Variants in PTK7 observed in about 807,000 individuals in gnomAD.
The protein encoded by PTK7 is protein tyrosine kinase 7 (inactive).
PTK7 carries 39 observed loss-of-function variants against 116.6 expected under a neutral mutation model. The ratio of observed to expected loss-of-function variants is 0.33; its 90% CI spans 0.26 to 0.44. The LOEUF (loss-of-function observed/expected upper bound fraction) is 0.44. Ranked by LOEUF, PTK7 falls within the 20% of genes least tolerant of loss-of-function variation. PTK7 has a pLI of 1.00. For missense variants in PTK7, 1,169 were observed against 1,425.6 expected (o/e 0.82, Z 2.90); for synonymous variants, 546 against 563.6 (o/e 0.97, Z 0.44).
chr6:43,136,809 T>TG (rs1433636768), intron 7 of PTK7, among the ~76,000 whole-genome samples: 6 of 152,054 alleles, frequency 3.9e-5, no homozygotes, highest in Non-Finnish European at 7.4e-5. Flanking sequence ...GAGACCAGCC[T>TG]GGACCACATG....
Position 43,158,896 on chromosome 6 carries a change from G to C in PTK7, c.2801G>C (p.Arg934Pro). The C allele has an allele frequency of 6.2e-7, 1 of 1,614,220 alleles. No homozygotes were observed. Among genetic ancestry groups the C allele is most frequent in the Non-Finnish European group, 8.5e-7 (1 of 1,180,038 alleles). ...TTTGTGCATAAGGACTTGGCTGCGC[G>C]TAACTGCCTGGTCAGTGCCCAGAGA... is the stretch of plus-strand genomic sequence containing the variant. Reference protein sequence around the residue: ...NRFVHKDLAARNCLVSAQRQV... With the variant: ...NRFVHKDLAAPNCLVSAQRQV... The change falls in exon 18 of 20, where the codon CGT becomes CCT. Residue 934 changes from arginine to proline, a missense_variant. This residue lies in a region of PTK7 where 678 missense variants were observed against 853.8 expected (regional missense o/e 0.79). Coordinates refer to ENST00000230419, the MANE Select transcript of PTK7 (RefSeq NM_002821.5).
rs1337825863 is a variant in PTK7 at position 43,076,608 on chromosome 6, C to T, written c.79+41C>T. Reference sequence around the variant, plus strand: ...TTGGGGGCACAGAGCTTGGGAAGCGCGGGAGTCCCGTGGGCAAAAGGCTGC... The same window carrying T: ...TTGGGGGCACAGAGCTTGGGAAGCGTGGGAGTCCCGTGGGCAAAAGGCTGC... On this transcript the variant is annotated intron_variant, in intron 1 of 19. Transcript: ENST00000230419. This position sits in a 1 kb window ranked among gnomAD's most constrained non-coding sequence, Gnocchi z 5.7. 6.5e-7 allele frequency: 1 copy of T among 1,546,360 alleles called. No individual in the cohort carries two copies. Among genetic ancestry groups the T allele is most frequent in the Non-Finnish European group, 8.7e-7 (1 of 1,150,118 alleles).
At chr6:43,087,501 C>G (rs1766725469) in intron 1 of PTK7, among the ~76,000 whole-genome samples, 1 of 152,176 alleles carries the variant, frequency 6.6e-6, no homozygotes, top group African/African-American at 2.4e-5. Context: ...GTCCCAAAGG[C>G]AGGTCTTGGG....
intron 1 of PTK7, among the ~76,000 whole-genome samples, chr6:43,081,705 G>T (rs539683436): frequency 3.7e-3 from 570 of 152,054 alleles, no homozygotes; most frequent in Non-Finnish European, 5.8e-3. Context: ...GCACCCAGCC[G>T]ATATAACAGG....
intron 1 of PTK7, among the ~76,000 whole-genome samples, chr6:43,108,094 CT>C (rs1327874500): frequency 0.018 from 2,405 of 137,380 alleles, 38 homozygotes; most frequent in African/African-American, 0.054. Flanking sequence ...GCTGCTTTAA[CT>C]TTTTTTTTTT....
At chr6:43,095,030 C>T (rs1161418360) in intron 1 of PTK7, among the ~76,000 whole-genome samples, 3 of 143,036 alleles carry the variant, frequency 2.1e-5, no homozygotes, top group South Asian at 2.3e-4. Flanking sequence ...GGCTACAGAG[C>T]GAGACTCTGT....
At chr6:43,097,475 C>T (rs994267110) in intron 1 of PTK7, among the ~76,000 whole-genome samples, 4 of 152,112 alleles carry the variant, frequency 2.6e-5, no homozygotes, top group Admixed American at 6.5e-5. Context: ...ATTACATAGA[C>T]GATTTTGTAT....
chr6:43,126,571 C>T (rs1486175229), intron 1 of PTK7, among the ~76,000 whole-genome samples: 1 of 152,218 alleles, frequency 6.6e-6, no homozygotes, highest in Non-Finnish European at 1.5e-5. Flanking sequence ...TGTGACTCCT[C>T]ATTGTAGGAT....
chr6:43,086,857 AAAC>A (rs972342619), intron 1 of PTK7, among the ~76,000 whole-genome samples: 22 of 152,252 alleles, frequency 1.4e-4, no homozygotes, highest in Non-Finnish European at 2.1e-4. Context: ...AAAAACAAAA[AAAC>A]AACAACAAAA....
At chr6:43,150,528 ATTGTTTAAC>A (rs1771001602) in intron 17 of PTK7, among the ~76,000 whole-genome samples, 2 of 152,092 alleles carry the variant, frequency 1.3e-5, no homozygotes, top group African/African-American at 4.8e-5. Flanking sequence ...CTAGCAGCAG[ATTGTTTAAC>A]TTGTGAGCCA....
At chr6:43,136,250 G>A (rs540299476) in intron 7 of PTK7, among the ~76,000 whole-genome samples, 24 of 149,362 alleles carry the variant, frequency 1.6e-4, no homozygotes, top group Middle Eastern at 3.6e-3. Flanking sequence ...CAGGAGAATC[G>A]CTTGAACCTG....
At chr6:43,135,195 G>A (rs1242351847) in intron 7 of PTK7, among the ~76,000 whole-genome samples, 2 of 152,212 alleles carry the variant, frequency 1.3e-5, no homozygotes, top group African/African-American at 4.8e-5. Context: ...TGTGCTCTGA[G>A]AAGGAGGCCT....
Position 43,130,560 on chromosome 6 carries a change from G to A in PTK7, c.711G>A (p.Ala237=), listed in dbSNP as rs140093109. Reference sequence around the variant, plus strand: ...TGGCACCCCAGGACGTGGTAGTAGCGAGGTATGAGGAGGCCATGTTCCATT... The same window carrying A: ...TGGCACCCCAGGACGTGGTAGTAGCAAGGTATGAGGAGGCCATGTTCCATT... The part of the protein sequence containing the change: ...VVLAPQDVVV[A]RYEEAMFHCQ... The change falls in exon 5 of 20, where the codon GCG becomes GCA. Residue 237 remains alanine, a synonymous_variant. Coordinates refer to ENST00000230419, the MANE Select transcript of PTK7 (RefSeq NM_002821.5). 1.1e-5 allele frequency: 17 copies of A among 1,614,018 alleles called. No homozygotes were observed. The highest frequency in any genetic ancestry group is 6.7e-5 in the East Asian group (3 of 44,898).
At position 43,159,933 on chromosome 6, in the gene PTK7, C is replaced by T. The variant is rs934981730; in HGVS notation, c.3019C>T (p.His1007Tyr). The T allele has an allele frequency of 3.7e-6, 6 of 1,613,892 alleles. No individual in the cohort carries two copies. Among genetic ancestry groups the T allele is most frequent in the South Asian group, 2.2e-5 (2 of 91,068 alleles). Reference protein sequence around the residue: ...WEVFTHGEMPHGGQADDEVLA... With the variant: ...WEVFTHGEMPYGGQADDEVLA... ...AGTGTTTACACATGGAGAGATGCCCCATGGTGGGCAGGCAGATGATGAAGT... is the reference window on the plus strand; with the variant it reads ...AGTGTTTACACATGGAGAGATGCCCTATGGTGGGCAGGCAGATGATGAAGT... Residue 1007 changes from histidine (H) to tyrosine (Y), a missense_variant, in exon 19 of 20, where the codon CAT (histidine) becomes TAT (tyrosine). Physicochemically the swap from His to Tyr is moderately conservative, Grantham distance 83. Transcript: ENST00000230419.
intron 1 of PTK7, among the ~76,000 whole-genome samples, chr6:43,118,056 GCAGT>G (rs910971715): frequency 6.6e-6 from 1 of 151,334 alleles, no homozygotes; most frequent in Admixed American, 6.6e-5. Context: ...CAAGAAGTGG[GCAGT>G]CAGAGGAACT....
chr6:43,138,055 C>T (rs1014020475), intron 7 of PTK7, among the ~76,000 whole-genome samples: 11 of 152,298 alleles, frequency 7.2e-5, no homozygotes, highest in Admixed American at 3.9e-4. Flanking sequence ...ATGATCTGCC[C>T]GCCTTTGCCT....
intron 1 of PTK7, among the ~76,000 whole-genome samples, chr6:43,091,359 G>C (rs1050909478): frequency 6.6e-6 from 1 of 151,984 alleles, no homozygotes; most frequent in South Asian, 2.1e-4. Context: ...TAGAAATGGG[G>C]TTTCACCATG....
intron 1 of PTK7, among the ~76,000 whole-genome samples, chr6:43,123,824 G>A (rs1178663884): frequency 2.0e-5 from 3 of 152,162 alleles, no homozygotes; most frequent in South Asian, 2.1e-4. Flanking sequence ...GGCTCATACC[G>A]GGGAAGCAGC....
rs549653659 is a variant in PTK7, at chr6:43,097,126, C to G, written c.79+20559C>G. Among the ~76,000 whole-genome samples, 39 of 152,356 alleles carry G rather than the reference C, an allele frequency of 2.6e-4. No homozygotes were observed. The South Asian group carries it at 6.2e-3, about 24-fold the overall frequency. ...ACACTTACAATTCATTATTTAGCCT[C>G]CTCCTGCGCGGTTGCTTGCATTTCT... On this transcript the variant is annotated intron_variant, in intron 1 of 19. Transcript: ENST00000230419.
Sources: gnomAD v4.1 joint callset for allele counts (sites outside exome capture counted in the v4.1 genomes callset) on GRCh38, gnomAD v4.1.1 for gene constraint, gnomAD v4.1.1 regional missense constraint, Gnocchi (gnomAD v3.1) non-coding constraint, MANE v1.5 for transcripts, NCBI Gene and HGNC (gene_info 2026-07-23, HGNC 2026-07-21) for gene names.